TBATA: variants seen among roughly 807,000 people sequenced by gnomAD.
TBATA encodes thymus, brain and testes associated.
TBATA carries 47 observed loss-of-function variants against 38.7 expected under a neutral mutation model. The observed-to-expected ratio is 1.21, with a 90% CI of 0.96 to 1.55. The LOEUF is 1.55. Ranked by LOEUF, TBATA falls within the 40% of genes most tolerant of loss-of-function variation. The pLI is 0.00. For synonymous variants in TBATA, 183 were observed against 170.5 expected (o/e 1.07, Z -0.57); for missense variants, 436 against 435.6 (o/e 1.00, Z -0.01).
chr10:70,772,256 T>C (rs1453322598), intron 10 of TBATA: 2 of 668,272 alleles, frequency 3.0e-6, no homozygotes, highest in Non-Finnish European at 5.7e-6. Flanking sequence ...GTTGTCTGTA[T>C]TCCTCCTTGC....
intron 3 of TBATA, chr10:70,782,551 GCCAGA>G: frequency 1.0e-6 from 1 of 985,444 alleles, no homozygotes; most frequent in Non-Finnish European, 1.2e-6. Flanking sequence ...TGGAGCTTAG[GCCAGA>G]CCAGACCAGC....
At chr10:70,781,521 GA>G (rs1459123323) in intron 4 of TBATA, among the ~76,000 whole-genome samples, 2 of 152,244 alleles carry the variant, frequency 1.3e-5, no homozygotes, top group Non-Finnish European at 1.5e-5. Context: ...TAAGAGAACA[GA>G]GCACTGCTCC....
intron 9 of TBATA, 83 bp from the exon 10 acceptor site, chr10:70,772,649 G>A (rs929173998): frequency 1.8e-5 from 26 of 1,435,370 alleles, no homozygotes; most frequent in Non-Finnish European, 2.5e-5. Flanking sequence ...AGGGAGGTGG[G>A]GAAGGTGGTG....
chr10:70,784,869 T>C (rs1429261331), intron 1 of TBATA, 96 bp from the exon 2 acceptor site: 1 of 152,222 alleles, frequency 6.6e-6, no homozygotes, highest in African/African-American at 2.4e-5. Context: ...AATTCACATA[T>C]GGGTTTGTGT....
chr10:70,772,478 T>G, intron 10 of TBATA, 36 bp downstream of exon 10: 5 of 1,606,698 alleles, frequency 3.1e-6, no homozygotes, highest in Non-Finnish European at 3.4e-6. Context: ...TGGGCCTTGG[T>G]GAGTCCCCCA....
chr10:70,779,578 G>A lies in TBATA; in HGVS notation c.427+15C>T. 1 of 1,467,680 alleles carries A rather than the reference G, an allele frequency of 6.8e-7. No individual in the cohort carries two copies. The highest frequency in any genetic ancestry group is 9.0e-7 in the Non-Finnish European group (1 of 1,113,668). The allele number at this position is 1,467,680 out of a possible 1,614,324, so 90.9% of individuals were successfully genotyped here. ...TGAGCCCCAGGGTAGAGGGAGGCAT[G>A]GCCCAAGTACCCACCAGAAGAAAGC... On this transcript the variant is annotated intron_variant, in intron 5 of 10. Transcript: ENST00000456372.
intron 4 of TBATA, among the ~76,000 whole-genome samples, chr10:70,780,289 T>C (rs1002726726): frequency 6.6e-6 from 1 of 152,010 alleles, no homozygotes; most frequent in Non-Finnish European, 1.5e-5. Context: ...CCCTTCTGGC[T>C]AACCCTGGGT....
intron 3 of TBATA, 151 bp downstream of exon 3, chr10:70,783,188 G>T (rs1844473011): frequency 8.3e-6 from 7 of 846,424 alleles, no homozygotes; most frequent in East Asian, 5.4e-5. Context: ...AGGACCCATT[G>T]GGGGGTCTGG....
rs149567052 is a variant in TBATA, at chr10:70,782,840, G to A, written c.41+499C>T. Among the ~76,000 whole-genome samples the A allele has an allele frequency of 4.0e-3, 610 of 152,318 alleles. 1 individual carries two copies. Among genetic ancestry groups the A allele is most frequent in the Non-Finnish European group, 6.7e-3 (455 of 68,038 alleles). On this transcript the variant is annotated intron_variant, in intron 3 of 10. Coordinates refer to ENST00000456372, the MANE Select transcript of TBATA (RefSeq NM_001318241.2). ...ATCGCTGTCTGCATGCCCTTCTCAC[G>A]GTGGCCCTGGCTGAAGGGAGTCCTT...
Position 70,781,865 on chromosome 10 carries a change from G to C in TBATA, c.213C>G (p.Arg71=), listed in dbSNP as rs1018379487. Residue 71 remains arginine, a synonymous_variant, in exon 4 of 11, where the codon CGC becomes CGG. Coordinates refer to ENST00000456372, the MANE Select transcript of TBATA (RefSeq NM_001318241.2). ...PQTPGTYCFG[R]LSHHSFFSRH... is the part of the protein sequence containing the mutation. ...GGGAGAAGAAGGAGTGGTGACTGAGGCGTCCAAAGCAGTAGGTGCCAGGGG... is the reference window on the plus strand; with the variant it reads ...GGGAGAAGAAGGAGTGGTGACTGAGCCGTCCAAAGCAGTAGGTGCCAGGGG... 1 of 1,614,184 alleles carries C rather than the reference G, an allele frequency of 6.2e-7. No individual in the cohort carries two copies. The highest frequency in any genetic ancestry group is 8.5e-7 in the Non-Finnish European group (1 of 1,179,986).
rs1312891233 is a variant in TBATA, at chr10:70,771,292, C to T, written c.*84G>A. ...AGTTTTCACGGTAGGGAATCAGGTA[C>T]TGCTGTGAAGGTGGTGGAGACAGAA... On this transcript the variant is annotated 3_prime_UTR_variant, in exon 11 of 11. Transcript: ENST00000456372. 1 of 1,612,728 alleles carries T rather than the reference C, an allele frequency of 6.2e-7. No homozygotes were observed. Among genetic ancestry groups the T allele is most frequent in the Non-Finnish European group, 8.5e-7 (1 of 1,179,220 alleles).
At position 70,774,324 on chromosome 10, in the gene TBATA, G is replaced by C; in HGVS notation, c.809C>G (p.Ala270Gly). Reference protein sequence around the residue: ...KDLALGLLQTAVAQLLPQPLV... With the variant: ...KDLALGLLQTGVAQLLPQPLV... ...GGGCTGGGGAAGGAGCTGAGCCACT[G>C]CTGTCTGCAGGAGTCCCAGAGCGAG... The change falls in exon 9 of 11, where the codon GCA becomes GGA. Residue 270 changes from alanine (A) to glycine (G), a missense_variant. By Grantham distance (60) the Ala-to-Gly change is moderately conservative (BLOSUM62 0). Coordinates refer to ENST00000456372, the MANE Select transcript of TBATA (RefSeq NM_001318241.2). 6.2e-7 allele frequency: 1 copy of C among 1,604,732 alleles called. No individual in the cohort carries two copies. The highest frequency in any genetic ancestry group is 8.5e-7 in the Non-Finnish European group (1 of 1,176,392).
Position 70,778,600 on chromosome 10 carries a change from C to A in TBATA, c.464G>T (p.Arg155Leu). Reference protein sequence around the residue: ...WKKELKELASRVAFLTKEDEL... With the variant: ...WKKELKELASLVAFLTKEDEL... Reference sequence around the variant, plus strand: ...ATCCTCCTTGGTGAGGAAGGCCACCCGGGAAGCTAGCTCCTTCAACTCCTT... The same window carrying A: ...ATCCTCCTTGGTGAGGAAGGCCACCAGGGAAGCTAGCTCCTTCAACTCCTT... Residue 155 changes from arginine (R) to leucine (L), a missense_variant, in exon 6 of 11, where the codon CGG (arginine) becomes CTG (leucine). Arg to Leu is a moderately radical substitution (Grantham distance 102, BLOSUM62 -2). Coordinates refer to ENST00000456372, the MANE Select transcript of TBATA (RefSeq NM_001318241.2). 6.2e-7 allele frequency: 1 copy of A among 1,614,192 alleles called. No individual in the cohort carries two copies. Among genetic ancestry groups the A allele is most frequent in the South Asian group, 1.1e-5 (1 of 91,080 alleles).
At chr10:70,782,223 G>A (rs1589420236) in intron 3 of TBATA, 187 bp from the exon 4 acceptor site, 2 of 1,360,746 alleles carry the variant, frequency 1.5e-6, no homozygotes, top group Non-Finnish European at 2.0e-6. Context: ...CCCAACTGGT[G>A]CAATCCTGTC....
In TBATA at chr10:70,781,875, C is replaced by T. The variant is rs1844261310; in HGVS notation, c.203G>A (p.Cys68Tyr). 6.2e-7 allele frequency: 1 copy of T among 1,614,194 alleles called. No individual in the cohort carries two copies. The highest frequency in any genetic ancestry group is 8.5e-7 in the Non-Finnish European group (1 of 1,179,998). Residue 68 changes from cysteine to tyrosine, a missense_variant, in exon 4 of 11, where the codon TGC (cysteine) becomes TAC (tyrosine). Transcript: ENST00000456372. ...GGAGTGGTGACTGAGGCGTCCAAAG[C>T]AGTAGGTGCCAGGGGTTTGGGGCTT... is the stretch of plus-strand genomic sequence containing the variant. ...TPKPQTPGTY[C>Y]FGRLSHHSFF... is the part of the protein sequence containing the mutation.
Position 70,777,345 on chromosome 10 carries a change from C to T in TBATA, c.508-7G>A, listed in dbSNP as rs1309549302. 2 of 1,610,376 alleles carry T rather than the reference C, an allele frequency of 1.2e-6. No individual in the cohort carries two copies. Among genetic ancestry groups the T allele is most frequent in the Admixed American group, 1.7e-5 (1 of 59,912 alleles). On this transcript the variant is annotated splice_polypyrimidine_tract_variant and splice_region_variant and intron_variant, in intron 6 of 10. Transcript: ENST00000456372. ...CCTCCTTCTGCTCCTTCTGCTGGGA[C>T]AAAAGTGGCCAGAGACTCCAGGCAG...
chr10:70,778,660 G>A (rs767300094), intron 5 of TBATA, 24 bp from the exon 6 acceptor site: 3 of 1,610,548 alleles, frequency 1.9e-6, no homozygotes, highest in South Asian at 2.2e-5. Context: ...ACAAGGTCCT[G>A]CCAACTGAAG....
intron 4 of TBATA, 130 bp downstream of exon 4, chr10:70,781,671 C>T (rs775787894): frequency 1.0e-5 from 9 of 892,456 alleles, no homozygotes; most frequent in Non-Finnish European, 1.4e-5. Flanking sequence ...CTTTGGCAGC[C>T]CTGGGATCCT....
intron 10 of TBATA, 56 bp downstream of exon 10, chr10:70,772,458 C>T: frequency 1.3e-6 from 2 of 1,562,844 alleles, no homozygotes; most frequent in Non-Finnish European, 1.8e-6. Context: ...CCTGAGAAAT[C>T]CAGCCAGAGT....
Sources: allele counts gnomAD v4.1 joint callset (sites outside exome capture counted in the v4.1 genomes callset), GRCh38; gene constraint gnomAD v4.1.1; transcripts MANE v1.5; gene names NCBI Gene and HGNC (gene_info 2026-07-23, HGNC 2026-07-21).